The following TJP2 variants were observed in gnomAD, a reference collection of about 807,000 sequenced individuals.
The protein encoded by TJP2 is Friedreich ataxia region gene X104 (tight junction protein ZO-2).
A neutral mutation model predicts 133.1 loss-of-function variants in TJP2; 91 were observed. The ratio of observed to expected loss-of-function variants is 0.68; its 90% CI spans 0.58 to 0.81. The LOEUF (loss-of-function observed/expected upper bound fraction) is 0.81, where lower values mean the gene tolerates loss of function less well. TJP2 is among the 40% of genes least tolerant of loss of function. The pLI is 0.00. For synonymous variants in TJP2, 592 were observed against 583.4 expected (o/e 1.01, Z -0.21); for missense variants, 1,541 against 1,565.6 (o/e 0.98, Z 0.26).
At chr9:69,171,543 CTTT>C (rs1189845839), upstream of TJP2, among the ~76,000 whole-genome samples, 3 of 152,044 alleles carry the variant, frequency 2.0e-5, no homozygotes, top group African/African-American at 7.2e-5. Flanking sequence ...TTTTTTCCTT[CTTT>C]GTGTCTTAAA....
At chr9:69,231,425 C>T (rs889647812) in intron 11 of TJP2, among the ~76,000 whole-genome samples, 1 of 152,032 alleles carries the variant, frequency 6.6e-6, no homozygotes, top group African/African-American at 2.4e-5. Flanking sequence ...GAATTTCTTC[C>T]TGCTTCTGCA....
rs763103460 is a variant in TJP2, at chr9:69,227,980, G to A, written c.1320-1G>A. 2 of 1,614,184 alleles carry A rather than the reference G, an allele frequency of 1.2e-6. No individual in the cohort carries two copies. The highest frequency in any genetic ancestry group is 2.2e-5 in the South Asian group (2 of 91,086). On this transcript the variant is annotated splice_acceptor_variant, in intron 8 of 22. Coordinates refer to ENST00000377245, the MANE Select transcript of TJP2 (RefSeq NM_004817.4). LOFTEE classifies it high-confidence loss of function. The stretch of plus-strand genomic sequence containing the variant: ...ACATTTACGTATGACATGTGATTCA[G>A]TTCCAGAGAGGACACGCCGAGCAGA...
rs545302566 is a variant in TJP2, at chr9:69,252,238, A to G, written c.3322-577A>G. Reference sequence around the variant, plus strand: ...TCGAACTCCTGGGCTCAAGCAATGCACCCTCCTCAGCCTCCCAAAGTGCTA... The same window carrying G: ...TCGAACTCCTGGGCTCAAGCAATGCGCCCTCCTCAGCCTCCCAAAGTGCTA... On this transcript the variant is annotated intron_variant, in intron 21 of 22. Transcript: ENST00000377245. 3.3e-5 allele frequency among the ~76,000 whole-genome samples: 5 copies of G among 152,008 alleles called. No homozygotes were observed. In the East Asian group the frequency reaches 9.7e-4, roughly 29 times the overall value.
At chr9:69,206,629 G>A (rs1827434495) in intron 1 of TJP2, among the ~76,000 whole-genome samples, 1 of 151,550 alleles carries the variant, frequency 6.6e-6, no homozygotes, top group Admixed American at 6.6e-5. Flanking sequence ...CCAGGCTGGA[G>A]TGCAGTGGCG....
At chr9:69,211,823 C>T (rs11792780) in intron 1 of TJP2, among the ~76,000 whole-genome samples, 7 of 152,158 alleles carry the variant, frequency 4.6e-5, no homozygotes, top group Non-Finnish European at 7.3e-5. Flanking sequence ...CCTGATCTCC[C>T]ACCCTGTTTG....
chr9:69,129,186 C>T (rs182490980), intron 1 of TJP2, among the ~76,000 whole-genome samples: 2 of 152,266 alleles, frequency 1.3e-5, no homozygotes, highest in East Asian at 1.9e-4. Flanking sequence ...GACTAGTGTA[C>T]ATGGTGGACA....
In TJP2 at chr9:69,221,452, C is replaced by T. The variant is rs199641113; in HGVS notation, c.908C>T (p.Pro303Leu). 158 of 1,595,658 alleles carry T rather than the reference C, an allele frequency of 9.9e-5. No homozygotes were observed. The African/African-American group carries it at 1.7e-3, about 17-fold the overall frequency. Residue 303 changes from proline (P) to leucine (L), a missense_variant, in exon 5 of 23, where the codon CCG becomes CTG. Physicochemically the swap from Pro to Leu is moderately conservative, Grantham distance 98. Transcript: ENST00000377245. ...CCCAGCCCCGAGCCTAGGGGGCGGC[C>T]GGGGCCCATCGGGGTCCTCCTGATG... ...RSPSPEPRGRPGPIGVLLMKS... is the reference protein window; with the variant it reads ...RSPSPEPRGRLGPIGVLLMKS...
intron 20 of TJP2, chr9:69,249,745 A>G (rs941459487): frequency 1.9e-4 from 191 of 984,492 alleles, no homozygotes; most frequent in Non-Finnish European, 2.2e-4. Context: ...TCTTCTTGTT[A>G]AAAAAAGATT....
intron 3 of TJP2, among the ~76,000 whole-genome samples, chr9:69,217,241 T>G (rs1261012985): frequency 1.3e-5 from 2 of 152,206 alleles, no homozygotes; most frequent in African/African-American, 4.8e-5. Flanking sequence ...TCTGCCCACC[T>G]CGGCCTCCCA....
intron 1 of TJP2, among the ~76,000 whole-genome samples, chr9:69,150,565 TG>T (rs1170448723): frequency 6.6e-6 from 1 of 152,344 alleles, no homozygotes; most frequent in African/African-American, 2.4e-5. Flanking sequence ...TCCAAAGTGC[TG>T]GGATTACAGG....
intron 22 of TJP2, chr9:69,253,293 G>T (rs892852981): frequency 1.5e-5 from 4 of 263,802 alleles, no homozygotes; most frequent in African/African-American, 2.2e-5. Flanking sequence ...CAGACCGCTT[G>T]TGCTGCCCTG....
At chr9:69,178,506 T>C (rs1469852151) in intron 1 of TJP2, among the ~76,000 whole-genome samples, 2 of 152,226 alleles carry the variant, frequency 1.3e-5, no homozygotes, top group Non-Finnish European at 2.9e-5. Context: ...GCTTAAAATA[T>C]GAGTGTGGTG....
chr9:69,241,016 G>A (rs944979690), intron 17 of TJP2, among the ~76,000 whole-genome samples: 3 of 152,140 alleles, frequency 2.0e-5, no homozygotes, highest in Non-Finnish European at 4.4e-5. Flanking sequence ...GAGTAGATGG[G>A]ATTATAGACA....
chr9:69,221,566 T>C, intron 5 of TJP2, 70 bp downstream of exon 5: 2 of 1,544,084 alleles, frequency 1.3e-6, no homozygotes, highest in South Asian at 2.4e-5. Context: ...TTAATTTTTT[T>C]TTTTCCCCCG....
At chr9:69,153,937 C>T (rs1050449141) in intron 2 of TJP2, among the ~76,000 whole-genome samples, 1 of 152,168 alleles carries the variant, frequency 6.6e-6, no homozygotes, top group Non-Finnish European at 1.5e-5. Context: ...AGGCATCTCA[C>T]GTCGCCCTAG....
At chr9:69,139,037 A>C (rs1822898744) in intron 1 of TJP2, among the ~76,000 whole-genome samples, 1 of 152,124 alleles carries the variant, frequency 6.6e-6, no homozygotes, top group African/African-American at 2.4e-5. Context: ...AACATGGTAA[A>C]ACTCCTGTCT....
Position 69,231,187 on chromosome 9 carries a change from G to A in TJP2, c.1671+955G>A, listed in dbSNP as rs147131499. Among the ~76,000 whole-genome samples, 135 of 152,020 alleles carry A rather than the reference G, an allele frequency of 8.9e-4. No individual in the cohort carries two copies. The East Asian group carries it at 0.019, about 21-fold the overall frequency. On this transcript the variant is annotated intron_variant, in intron 11 of 22. Coordinates refer to ENST00000377245, the MANE Select transcript of TJP2 (RefSeq NM_004817.4). ...TGCAGTGGTGCTATCTCAGATCACC[G>A]CAACCTCCGCCTCCTGGGTTCAAGC...
At chr9:69,181,695 A>G (rs113234665) in intron 1 of TJP2, among the ~76,000 whole-genome samples, 428 of 152,166 alleles carry the variant, frequency 2.8e-3, no homozygotes, top group African/African-American at 9.9e-3. Context: ...TCATCTTAAA[A>G]TGTTTTTGTG....
intron 3 of TJP2, 136 bp downstream of exon 3, chr9:69,216,599 C>G (rs1173943513): frequency 9.9e-7 from 1 of 1,010,716 alleles, no homozygotes; most frequent in East Asian, 2.7e-5. Flanking sequence ...GAAAAGTCTT[C>G]AAGCTGGAAT....
Sources: gnomAD v4.1 joint callset for allele counts (sites outside exome capture counted in the v4.1 genomes callset) on GRCh38, gnomAD v4.1.1 for gene constraint, MANE v1.5 for transcripts, NCBI Gene and HGNC (gene_info 2026-07-23, HGNC 2026-07-21) for gene names.